Variants in NYNRIN observed in about 807,000 individuals in gnomAD.
The protein encoded by NYNRIN is NYN domain and retroviral integrase containing.
NYNRIN carries 86 observed loss-of-function variants against 146.6 expected under a neutral mutation model. The observed-to-expected ratio is 0.59, with a 90% CI of 0.49 to 0.70. The LOEUF (loss-of-function observed/expected upper bound fraction) is 0.70. NYNRIN is among the 30% of genes least tolerant of loss of function. The probability of loss-of-function intolerance (pLI) is 0.00; values close to 1 mark genes in which losing one functional copy is unlikely to be tolerated. For synonymous variants in NYNRIN, 1,027 were observed against 1,001.3 expected (o/e 1.03, Z -0.48); for missense variants, 2,191 against 2,377.7 (o/e 0.92, Z 1.63).
chr14:24,408,119 C>A lies in NYNRIN; in HGVS notation c.449C>A (p.Thr150Asn). 1 of 1,610,074 alleles carries A rather than the reference C, an allele frequency of 6.2e-7. No homozygotes were observed. The highest frequency in any genetic ancestry group is 8.5e-7 in the Non-Finnish European group (1 of 1,178,922). Reference protein sequence around the residue: ...RLRWGPAPLLTPRGIWEAEVT... With the variant: ...RLRWGPAPLLNPRGIWEAEVT... ...CGCTGGGGCCCTGCCCCTCTGCTGACCCCCCGGGGGATCTGGGAGGCTGAG... is the reference window on the plus strand; with the variant it reads ...CGCTGGGGCCCTGCCCCTCTGCTGAACCCCCGGGGGATCTGGGAGGCTGAG... Residue 150 changes from threonine to asparagine, a missense_variant, in exon 3 of 9, where the codon ACC becomes AAC. By Grantham distance (65) the Thr-to-Asn change is moderately conservative. Coordinates refer to ENST00000382554, the MANE Select transcript of NYNRIN (RefSeq NM_025081.3).
Position 24,417,724 on chromosome 14 carries a change from CCAGGCTCAG to C in NYNRIN, c.*279_*287del. The C allele has an allele frequency of 2.7e-6, 1 of 374,476 alleles. No individual in the cohort carries two copies. 23.2% of individuals were successfully genotyped at this position (374,476 alleles called of 1,614,324 possible). ...AAATGGAGTGCTCCTCTAGGCTATA[CCAGGCTCAG>C]TGTCTTCTCCCCAAGTATCCTCTTT... On this transcript the variant is annotated 3_prime_UTR_variant, in exon 9 of 9. Transcript: ENST00000382554.
At position 24,408,762 on chromosome 14, in the gene NYNRIN, G is replaced by A; in HGVS notation, c.968G>A (p.Arg323Lys). ...TNHTQALLKQ[R>K]QVQKIEDKLL... Reference sequence around the variant, plus strand: ...CACACACAAGCCTTGTTGAAGCAAAGGCAGGTCCAGAAGATAGAAGATAAA... The same window carrying A: ...CACACACAAGCCTTGTTGAAGCAAAAGCAGGTCCAGAAGATAGAAGATAAA... Residue 323 changes from arginine to lysine, a missense_variant, in exon 4 of 9, where the codon AGG becomes AAG. By Grantham distance (26) the Arg-to-Lys change is conservative. Transcript: ENST00000382554. The A allele has an allele frequency of 6.2e-7, 1 of 1,613,968 alleles. No individual in the cohort carries two copies. The highest frequency in any genetic ancestry group is 1.6e-4 in the Middle Eastern group (1 of 6,062).
intron 2 of NYNRIN, among the ~76,000 whole-genome samples, chr14:24,401,112 C>T (rs1162641733): frequency 1.3e-5 from 2 of 152,122 alleles, no homozygotes; most frequent in Non-Finnish European, 2.9e-5. Flanking sequence ...TCGGAGGTAC[C>T]CCCGCCACCC....
In NYNRIN at chr14:24,415,610, C is replaced by G. The variant is rs566510965; in HGVS notation, c.3861C>G (p.Pro1287=). The change falls in exon 9 of 9, where the codon CCC becomes CCG. Residue 1287 remains proline (P), a synonymous_variant. Coordinates refer to ENST00000382554, the MANE Select transcript of NYNRIN (RefSeq NM_025081.3). ...TGGGGGAGAACCGCCTGCTCACCCC[C>G]GCGGCCTCCATGCCTCGCTTCTTCC... The part of the protein sequence containing the change: ...GLLGENRLLT[P]AASMPRFFQV... The G allele has an allele frequency of 6.2e-7, 1 of 1,613,988 alleles. No homozygotes were observed. Among genetic ancestry groups the G allele is most frequent in the Non-Finnish European group, 8.5e-7 (1 of 1,179,884 alleles).
chr14:24,407,720 T>G, intron 2 of NYNRIN, 149 bp from the exon 3 acceptor site: 1 of 666,426 alleles, frequency 1.5e-6, no homozygotes, highest in Non-Finnish European at 2.5e-6. Flanking sequence ...TGGCTGGCCA[T>G]GGGGGAGTCA....
chr14:24,406,362 G>A (rs1269210991), intron 2 of NYNRIN, among the ~76,000 whole-genome samples: 2 of 151,960 alleles, frequency 1.3e-5, no homozygotes, highest in African/African-American at 4.8e-5. Context: ...GTTGTTTTCC[G>A]GTCATTGAAA....
At chr14:24,402,175 T>A (rs2042848183) in intron 2 of NYNRIN, among the ~76,000 whole-genome samples, 1 of 152,194 alleles carries the variant, frequency 6.6e-6, no homozygotes, top group Non-Finnish European at 1.5e-5. Context: ...TTGAGTGCTT[T>A]AAAATTGTTT....
At chr14:24,405,555 C>G (rs2042871115) in intron 2 of NYNRIN, among the ~76,000 whole-genome samples, 1 of 152,142 alleles carries the variant, frequency 6.6e-6, no homozygotes, top group African/African-American at 2.4e-5. Flanking sequence ...GAAAGCTGTT[C>G]AGGTATTTTC....
At position 24,415,141 on chromosome 14, in the gene NYNRIN, A is replaced by G; in HGVS notation, c.3392A>G (p.Asp1131Gly). The G allele has an allele frequency of 6.2e-7, 1 of 1,605,846 alleles. No individual in the cohort carries two copies. The highest frequency in any genetic ancestry group is 8.5e-7 in the Non-Finnish European group (1 of 1,179,132). Reference protein sequence around the residue: ...LLKQKPDWQWDQEHEEAFLAL... With the variant: ...LLKQKPDWQWGQEHEEAFLAL... ...AAGCAGAAGCCTGACTGGCAGTGGG[A>G]CCAGGAGCATGAGGAGGCCTTCCTG... is the stretch of plus-strand genomic sequence containing the variant. The change falls in exon 9 of 9, where the codon GAC becomes GGC. Residue 1131 changes from aspartate to glycine, a missense_variant. Asp to Gly is a moderately conservative substitution (Grantham distance 94, BLOSUM62 -1). This residue lies in a region of NYNRIN where 1,291 missense variants were observed against 1,417.0 expected (regional missense o/e 0.91). Transcript: ENST00000382554.
In NYNRIN at chr14:24,415,069, C is replaced by A; in HGVS notation, c.3320C>A (p.Ala1107Asp). Residue 1107 changes from alanine (A) to aspartate (D), a missense_variant, in exon 9 of 9, where the codon GCC becomes GAC. Ala to Asp is a moderately radical substitution (Grantham distance 126, BLOSUM62 -2). Around this residue, in one of 3 missense-constraint regions of NYNRIN, gnomAD observed 1,291 missense variants for 1,417.0 expected, o/e 0.91. Coordinates refer to ENST00000382554, the MANE Select transcript of NYNRIN (RefSeq NM_025081.3). Reference protein sequence around the residue: ...FMGFMDSHRDAIPDYEALVGP... With the variant: ...FMGFMDSHRDDIPDYEALVGP... The stretch of plus-strand genomic sequence containing the variant: ...GGCTTCATGGACTCCCACAGGGATG[C>A]CATCCCTGACTATGAAGCCCTAGTG... The A allele has an allele frequency of 6.2e-7, 1 of 1,612,476 alleles. No homozygotes were observed. Among genetic ancestry groups the A allele is most frequent in the Non-Finnish European group, 8.5e-7 (1 of 1,179,626 alleles).
chr14:24,411,185 A>C lies in NYNRIN; in HGVS notation c.2524A>C (p.Lys842Gln). The part of the protein sequence containing the change: ...VTVFVPTWQL[K>Q]KNRRVRESHF... ...TGTGTTTGTACCCACCTGGCAGCTGAAGAAGAACCGGAGGGTGAGAGGTGA... is the reference window on the plus strand; with the variant it reads ...TGTGTTTGTACCCACCTGGCAGCTGCAGAAGAACCGGAGGGTGAGAGGTGA... Residue 842 changes from lysine (K) to glutamine (Q), a missense_variant, in exon 5 of 9, where the codon AAG becomes CAG. Physicochemically the swap from Lys to Gln is moderately conservative, Grantham distance 53. Transcript: ENST00000382554. This position sits in a 1 kb window ranked among gnomAD's most constrained non-coding sequence, Gnocchi z 4.3. 3 of 1,604,458 alleles carry C rather than the reference A, an allele frequency of 1.9e-6. No individual in the cohort carries two copies. Among genetic ancestry groups the C allele is most frequent in the Non-Finnish European group, 2.6e-6 (3 of 1,175,376 alleles).
Position 24,408,468 on chromosome 14 carries a change from C to T in NYNRIN, c.798C>T (p.Ala266=), listed in dbSNP as rs779532548. The part of the protein sequence containing the change: ...ENSKRLSSLG[A]TGSLITAQST... ...CAAAGAGATTATCTAGCCTGGGAGC[C>T]ACTGGGTCCCTGATCACAGCCCAGA... is the stretch of plus-strand genomic sequence containing the variant. Residue 266 remains alanine, a synonymous_variant, in exon 3 of 9, where the codon GCC becomes GCT. Coordinates refer to ENST00000382554, the MANE Select transcript of NYNRIN (RefSeq NM_025081.3). 3 of 1,610,258 alleles carry T rather than the reference C, an allele frequency of 1.9e-6. No individual in the cohort carries two copies. Among genetic ancestry groups the T allele is most frequent in the South Asian group, 2.2e-5 (2 of 90,712 alleles).
At position 24,408,822 on chromosome 14, in the gene NYNRIN, T is replaced by C; in HGVS notation, c.1028T>C (p.Val343Ala). 7 of 1,614,028 alleles carry C rather than the reference T, an allele frequency of 4.3e-6. No homozygotes were observed. The highest frequency in any genetic ancestry group is 5.9e-6 in the Non-Finnish European group (7 of 1,179,876). Residue 343 changes from valine (V) to alanine (A), a missense_variant, in exon 4 of 9, where the codon GTG (valine) becomes GCG (alanine). By Grantham distance (64) the Val-to-Ala change is moderately conservative. Transcript: ENST00000382554. ...CAACCTCCAGTATCAGCCCTGGGTG[T>C]GTGCCCACCCTGGAAGGCCTGGACC... Reference protein sequence around the residue: ...LFQPPVSALGVCPPWKAWTPG... With the variant: ...LFQPPVSALGACPPWKAWTPG...
Position 24,407,955 on chromosome 14 carries a change from A to G in NYNRIN, c.285A>G (p.Gln95=), listed in dbSNP as rs146351794. The change falls in exon 3 of 9, where the codon CAA becomes CAG. Residue 95 remains glutamine, a synonymous_variant. Transcript: ENST00000382554. Reference sequence around the variant, plus strand: ...TGCACTGTGCCTTCCTTGGGGCCCAAGGCCTCTTCCTGGACTGCCTCTGCT... The same window carrying G: ...TGCACTGTGCCTTCCTTGGGGCCCAGGGCCTCTTCCTGGACTGCCTCTGCT... ...PILHCAFLGA[Q]GLFLDCLCWS... is the part of the protein sequence containing the mutation. 0.052 allele frequency: 84,272 copies of G among 1,613,960 alleles called. 2,589 individuals are homozygous for G. The highest frequency in any genetic ancestry group is 0.068 in the South Asian group (6,163 of 91,084).
At position 24,405,367 on chromosome 14, in the gene NYNRIN, A is replaced by G. The variant is rs894343275; in HGVS notation, c.199-2502A>G. On this transcript the variant is annotated intron_variant, in intron 2 of 8. Transcript: ENST00000382554. Reference sequence around the variant, plus strand: ...ATATAAATGCTTTTATTTAACTTACAAGTTGACTAACGACCTGTGGGTATT... The same window carrying G: ...ATATAAATGCTTTTATTTAACTTACGAGTTGACTAACGACCTGTGGGTATT... 3.3e-5 allele frequency among the ~76,000 whole-genome samples: 5 copies of G among 152,238 alleles called. No individual in the cohort carries two copies. In the South Asian group the frequency reaches 1.0e-3, roughly 31 times the overall value.
chr14:24,408,033 C>T lies in NYNRIN; in HGVS notation c.363C>T (p.Gly121=), dbSNP rs189369960. The part of the protein sequence containing the change: ...VPGPPGSLMV[G]GLTESFIMTQ... ...GCCCCCCTGGCTCCCTGATGGTGGG[C>T]GGGCTGACTGAGTCTTTCATCATGA... is the stretch of plus-strand genomic sequence containing the variant. Residue 121 remains glycine (G), a synonymous_variant, in exon 3 of 9, where the codon GGC becomes GGT. Coordinates refer to ENST00000382554, the MANE Select transcript of NYNRIN (RefSeq NM_025081.3). 583 of 1,613,968 alleles carry T rather than the reference C, an allele frequency of 3.6e-4. 4 individuals are homozygous for T. In the African/African-American group the frequency reaches 6.9e-3, roughly 19 times the overall value.
At chr14:24,400,795 TTTTTTTGAGATGAA>T (rs543846215) in intron 2 of NYNRIN, among the ~76,000 whole-genome samples, 30 of 151,566 alleles carry the variant, frequency 2.0e-4, no homozygotes, top group Non-Finnish European at 4.0e-4. Flanking sequence ...CTTTTTTTTT[TTTTTTTGAGATGAA>T]GTTTCACTCT....
In NYNRIN at chr14:24,411,596, G is replaced by A. The variant is rs1361327712; in HGVS notation, c.2642+146G>A. 9.8e-6 allele frequency: 7 copies of A among 717,170 alleles called. No individual in the cohort carries two copies. The highest frequency in any genetic ancestry group is 7.0e-5 in the Admixed American group (3 of 42,886). 44.4% of individuals were successfully genotyped at this position (717,170 alleles called of 1,614,324 possible). On this transcript the variant is annotated intron_variant, in intron 6 of 8. Coordinates refer to ENST00000382554, the MANE Select transcript of NYNRIN (RefSeq NM_025081.3). The surrounding 1 kb of genome is among the most constrained non-coding windows in gnomAD (Gnocchi z 4.3). ...TGTGCAGAGGGTGGGGTGGAGCACG[G>A]GCATCTGTCAGCAGAGGGATGGGCA...
chr14:24,418,435 C>T lies in NYNRIN; in HGVS notation c.*989C>T, dbSNP rs1477263239. 6 of 360,744 alleles carry T rather than the reference C, an allele frequency of 1.7e-5. No homozygotes were observed. The highest frequency in any genetic ancestry group is 3.3e-5 in the Non-Finnish European group (6 of 182,026). The allele number at this position is 360,744 out of a possible 1,614,324, so 22.3% of individuals were successfully genotyped here. On this transcript the variant is annotated 3_prime_UTR_variant, in exon 9 of 9. Coordinates refer to ENST00000382554, the MANE Select transcript of NYNRIN (RefSeq NM_025081.3). ...TTCTACCTCCACTGTATCCTGCATC[C>T]CAGACCCTACAGATTGTGTGATTGC...
Sources: allele counts gnomAD v4.1 joint callset (sites outside exome capture counted in the v4.1 genomes callset), GRCh38; gene constraint gnomAD v4.1.1; regional missense constraint gnomAD v4.1.1; non-coding constraint Gnocchi (gnomAD v3.1); transcripts MANE v1.5; gene names NCBI Gene and HGNC (gene_info 2026-07-23, HGNC 2026-07-21).